GRM8: variants seen among roughly 807,000 people sequenced by gnomAD.
The protein encoded by GRM8 is metabotropic glutamate receptor 8.
GRM8 carries 47 observed loss-of-function variants against 87.2 expected under a neutral mutation model. That is an observed-to-expected ratio of 0.54 (90% CI 0.43 to 0.69). The LOEUF (loss-of-function observed/expected upper bound fraction) is 0.69, where lower values mean the gene tolerates loss of function less well. Among genes scored for constraint, GRM8 ranks in the 30% least tolerant of loss-of-function variants. The pLI is 0.00. For synonymous variants in GRM8, 396 were observed against 404.5 expected (o/e 0.98, Z 0.25); for missense variants, 1,019 against 1,139.2 (o/e 0.89, Z 1.52).
At chr7:127,184,328 T>A (rs1357425766) in intron 2 of GRM8, among the ~76,000 whole-genome samples, 1 of 151,840 alleles carries the variant, frequency 6.6e-6, no homozygotes, top group African/African-American at 2.4e-5. Context: ...TTATTCTAGC[T>A]AGGCAAGGCT....
chr7:126,767,368 GAAGAC>G (rs1412520332), intron 7 of GRM8, among the ~76,000 whole-genome samples: 2 of 152,088 alleles, frequency 1.3e-5, no homozygotes, highest in Admixed American at 1.3e-4. Flanking sequence ...AACAGCCAGA[GAAGAC>G]TTCTGCTTTT....
rs1481976988 is a variant in GRM8 at position 126,438,909 on chromosome 7, C to T, written c.*210G>A. 6.5e-6 allele frequency: 3 copies of T among 464,610 alleles called. No homozygotes were observed. The highest frequency in any genetic ancestry group is 1.2e-5 in the Non-Finnish European group (3 of 260,040). The allele number at this position is 464,610 out of a possible 1,614,324, so 28.8% of individuals were successfully genotyped here. On this transcript the variant is annotated 3_prime_UTR_variant, in exon 11 of 11. Coordinates refer to ENST00000339582, the MANE Select transcript of GRM8 (RefSeq NM_000845.3). ...ATGAATAAGCAATACTTTAGCTTGA[C>T]ACTCATTGGTTTTATTGTATAAAAC...
intron 3 of GRM8, among the ~76,000 whole-genome samples, chr7:127,022,225 T>C (rs961418901): frequency 6.6e-6 from 1 of 151,870 alleles, no homozygotes; most frequent in Non-Finnish European, 1.5e-5. Flanking sequence ...CACTGTGTGG[T>C]AACTGTCTGA....
chr7:126,744,397 T>C (rs1815390868), intron 7 of GRM8, among the ~76,000 whole-genome samples: 2 of 152,028 alleles, frequency 1.3e-5, no homozygotes, highest in Non-Finnish European at 1.5e-5. Context: ...CGTATAAAAA[T>C]ATTTTGGAAA....
At chr7:126,720,606 A>G (rs952015536) in intron 7 of GRM8, among the ~76,000 whole-genome samples, 2 of 152,218 alleles carry the variant, frequency 1.3e-5, no homozygotes, top group Admixed American at 6.5e-5. Flanking sequence ...TAAGTAGATT[A>G]TTTCTGAGAC....
intron 3 of GRM8, among the ~76,000 whole-genome samples, chr7:127,030,961 C>G (rs1217994190): frequency 6.6e-6 from 1 of 152,120 alleles, no homozygotes; most frequent in Non-Finnish European, 1.5e-5. Context: ...AAGATGTGGT[C>G]TACCAGTGAA....
intron 3 of GRM8, among the ~76,000 whole-genome samples, chr7:126,905,984 C>T (rs13311559): frequency 5.3e-5 from 8 of 152,242 alleles, no homozygotes; most frequent in African/African-American, 1.9e-4. Context: ...AACTTGAGAA[C>T]GGCTTTGTTA....
intron 3 of GRM8, among the ~76,000 whole-genome samples, chr7:126,967,594 T>C (rs1810005516): frequency 6.6e-6 from 1 of 152,112 alleles, no homozygotes; most frequent in Admixed American, 6.5e-5. Context: ...ACATGGACCT[T>C]GCTTCTTCAT....
chr7:126,876,586 CCTAA>C (rs1216352491), intron 6 of GRM8, among the ~76,000 whole-genome samples: 3 of 152,132 alleles, frequency 2.0e-5, no homozygotes, highest in Non-Finnish European at 2.9e-5. Flanking sequence ...TTATCTGATA[CCTAA>C]CTGTGCTGTG....
At chr7:127,159,337 C>G (rs1443613090) in intron 2 of GRM8, among the ~76,000 whole-genome samples, 3 of 152,118 alleles carry the variant, frequency 2.0e-5, no homozygotes, top group Admixed American at 6.6e-5. Context: ...AAACACTGAG[C>G]GTATGTTGAG....
intron 3 of GRM8, among the ~76,000 whole-genome samples, chr7:127,072,717 T>A (rs914559622): frequency 1.1e-4 from 17 of 151,890 alleles, no homozygotes; most frequent in African/African-American, 4.1e-4. Context: ...AATGAGTGAA[T>A]GAGTGAAAAT....
intron 2 of GRM8, among the ~76,000 whole-genome samples, chr7:127,142,510 G>T (rs949318155): frequency 6.6e-6 from 1 of 152,168 alleles, no homozygotes; most frequent in African/African-American, 2.4e-5. Context: ...GACCTATTAA[G>T]GTTCTCTCCC....
intron 3 of GRM8, among the ~76,000 whole-genome samples, chr7:127,083,276 T>C (rs993254185): frequency 6.6e-6 from 1 of 152,198 alleles, no homozygotes; most frequent in Non-Finnish European, 1.5e-5. Flanking sequence ...TTGAGCACCA[T>C]CCCTGCCTCT....
At chr7:126,536,174 T>C (rs1420176193) in intron 8 of GRM8, among the ~76,000 whole-genome samples, 2 of 152,250 alleles carry the variant, frequency 1.3e-5, no homozygotes, top group African/African-American at 4.8e-5. Context: ...GGACAGCGAC[T>C]GTATACTTCC....
intron 7 of GRM8, among the ~76,000 whole-genome samples, chr7:126,661,995 G>T (rs547785478): frequency 4.0e-5 from 6 of 148,426 alleles, no homozygotes; most frequent in African/African-American, 1.5e-4. Flanking sequence ...AAAAGGTATT[G>T]TTATTAACTG....
intron 8 of GRM8, among the ~76,000 whole-genome samples, chr7:126,608,119 C>T (rs575921609): frequency 1.3e-5 from 2 of 151,962 alleles, no homozygotes; most frequent in South Asian, 2.1e-4. Context: ...TAAGTAGATG[C>T]TGCCCTCCTT....
intron 9 of GRM8, among the ~76,000 whole-genome samples, chr7:126,504,592 C>T (rs1264366891): frequency 6.6e-6 from 1 of 151,954 alleles, no homozygotes; most frequent in East Asian, 1.9e-4. Flanking sequence ...TCTACCAAAC[C>T]CCCATGACAC....
chr7:126,850,657 A>G (rs1187895130), intron 6 of GRM8, among the ~76,000 whole-genome samples: 1 of 152,232 alleles, frequency 6.6e-6, no homozygotes, highest in Non-Finnish European at 1.5e-5. Context: ...TTATCTATAG[A>G]GAAGGGCAGA....
chr7:126,628,325 G>A (rs1436688848), intron 7 of GRM8, among the ~76,000 whole-genome samples: 4 of 152,066 alleles, frequency 2.6e-5, no homozygotes, highest in Non-Finnish European at 5.9e-5. Flanking sequence ...GATTACAGGC[G>A]TGAGCCACTG....
Sources: gnomAD v4.1 joint callset for allele counts (sites outside exome capture counted in the v4.1 genomes callset) on GRCh38, gnomAD v4.1.1 for gene constraint, MANE v1.5 for transcripts, NCBI Gene and HGNC (gene_info 2026-07-23, HGNC 2026-07-21) for gene names.